The following CELSR1 variants were observed in gnomAD, a reference collection of about 807,000 sequenced individuals.
CELSR1 encodes cadherin EGF LAG seven-pass G-type receptor 1, also known as adhesion G protein-coupled receptor C1.
Under a neutral mutation model 249.1 loss-of-function variants are expected in CELSR1, and 110 were observed. The observed-to-expected ratio is 0.44, with a 90% confidence interval of 0.38 to 0.52. The LOEUF is 0.52. CELSR1 is among the 20% of genes least tolerant of loss of function. CELSR1 has a pLI of 0.00. For missense variants in CELSR1, 4,109 were observed against 4,296.4 expected (o/e 0.96, Z 1.22); for synonymous variants, 2,113 against 1,900.0 (o/e 1.11, Z -2.92).
chr22:46,431,432 C>T (rs1216297953), intron 5 of CELSR1, among the ~76,000 whole-genome samples: 1 of 152,208 alleles, frequency 6.6e-6, no homozygotes, highest in African/African-American at 2.4e-5. Context: ...CCCCTGCCTA[C>T]CCCCTCCCCA....
At position 46,389,294 on chromosome 22, in the gene CELSR1, T is replaced by G; in HGVS notation, c.6551A>C (p.His2184Pro). 1 of 1,604,924 alleles carries G rather than the reference T, an allele frequency of 6.2e-7. No individual in the cohort carries two copies. Among genetic ancestry groups the G allele is most frequent in the Non-Finnish European group, 8.5e-7 (1 of 1,179,670 alleles). ...DLAATQDADFHEDVIHSGSAL... is the reference protein window; with the variant it reads ...DLAATQDADFPEDVIHSGSAL... ...GGGTGGCGGCCACCCGCCTACCTCG[T>G]GAAAGTCGGCGTCCTGCGTGGCTGC... The change falls in exon 18 of 35, where the codon CAC becomes CCC. Residue 2184 changes from histidine to proline, a missense_variant. His to Pro is a moderately conservative substitution (Grantham distance 77). Around this residue, in one of 7 missense-constraint regions of CELSR1, gnomAD observed 1,805 missense variants for 1,831.6 expected, o/e 0.99. Transcript: ENST00000674500.
Position 46,473,130 on chromosome 22 carries a change from G to A in CELSR1, c.3545-8785C>T, listed in dbSNP as rs1036131579. Among the ~76,000 whole-genome samples the A allele has an allele frequency of 4.6e-5, 7 of 152,084 alleles. No homozygotes were observed. The highest frequency in any genetic ancestry group is 7.2e-5 in the African/African-American group (3 of 41,408). The stretch of plus-strand genomic sequence containing the variant: ...TCGTGGGCTCTCGGTGCAGGACGGC[G>A]GGGGTGGCTGAAGGAGAAATGTCCG... On this transcript the variant is annotated intron_variant, in intron 1 of 34. Coordinates refer to ENST00000674500, the MANE Select transcript of CELSR1 (RefSeq NM_001378328.1). This position sits in a 1 kb window ranked among gnomAD's most constrained non-coding sequence, Gnocchi z 6.6.
chr22:46,414,446 C>G (rs886247313), intron 5 of CELSR1, among the ~76,000 whole-genome samples: 1 of 152,266 alleles, frequency 6.6e-6, no homozygotes, highest in East Asian at 1.9e-4. Context: ...TGGCCCATCC[C>G]TCTCCTGTCA....
In CELSR1 at chr22:46,536,234, G is replaced by A; in HGVS notation, c.937C>T (p.Arg313Cys). 1 of 1,612,440 alleles carries A rather than the reference G, an allele frequency of 6.2e-7. No homozygotes were observed. Among genetic ancestry groups the A allele is most frequent in the Non-Finnish European group, 8.5e-7 (1 of 1,179,944 alleles). ...AGGACGTGCGTCTCCTTGGTCTCGC[G>A]GTCCAGTACGCTGTCCGTGCTCACG... ...GAVSTDSVLDRETKETHVLRV... is the reference protein window; with the variant it reads ...GAVSTDSVLDCETKETHVLRV... The change falls in exon 1 of 35, where the codon CGC becomes TGC. Residue 313 changes from arginine (R) to cysteine (C), a missense_variant. Arg to Cys is a radical substitution (Grantham distance 180, BLOSUM62 -3). Coordinates refer to ENST00000674500, the MANE Select transcript of CELSR1 (RefSeq NM_001378328.1).
chr22:46,431,196 C>T (rs977535048), intron 5 of CELSR1, among the ~76,000 whole-genome samples: 13 of 152,166 alleles, frequency 8.5e-5, no homozygotes, highest in East Asian at 1.9e-4. Flanking sequence ...GCGTCCTGCA[C>T]GGGGACTTTG....
intron 14 of CELSR1, 124 bp downstream of exon 14, chr22:46,394,018 G>GGT: frequency 2.4e-6 from 3 of 1,237,882 alleles, no homozygotes; most frequent in Non-Finnish European, 3.4e-6. Flanking sequence ...AGTGGGCACA[G>GGT]GTGTGTGTGC....
intron 26 of CELSR1, 92 bp from the exon 27 acceptor site, chr22:46,369,350 G>T (rs936830356): frequency 8.8e-7 from 1 of 1,131,712 alleles, no homozygotes. Flanking sequence ...CCCTGTCAGG[G>T]AGGGGTGGCT....
At chr22:46,487,881 G>A (rs1602203259) in intron 1 of CELSR1, among the ~76,000 whole-genome samples, 1 of 139,928 alleles carries the variant, frequency 7.1e-6, no homozygotes, top group African/African-American at 2.7e-5. Context: ...GGGGAGGGGT[G>A]TCCAGCTGAT....
chr22:46,385,395 G>A (rs1015983102), intron 19 of CELSR1, among the ~76,000 whole-genome samples: 2 of 152,134 alleles, frequency 1.3e-5, no homozygotes, highest in African/African-American at 4.8e-5. Context: ...ACGCCCAGCT[G>A]ACTGACCATC....
rs545762781 is a variant in CELSR1, at chr22:46,423,546, G to T, written c.4611+9847C>A. Among the ~76,000 whole-genome samples, 93 of 150,108 alleles carry T rather than the reference G, an allele frequency of 6.2e-4. No homozygotes were observed. The highest frequency in any genetic ancestry group is 1.1e-3 in the Admixed American group (16 of 15,100). ...CTTGAACCTGGGAGGCAGAGGTTGC[G>T]GTGAGCCGAGATCGCGCCTTTACAC... On this transcript the variant is annotated intron_variant, in intron 5 of 34. Coordinates refer to ENST00000674500, the MANE Select transcript of CELSR1 (RefSeq NM_001378328.1). This position sits in a 1 kb window ranked among gnomAD's most constrained non-coding sequence, Gnocchi z 5.6.
At chr22:46,415,746 T>TA (rs1421792353) in intron 5 of CELSR1, among the ~76,000 whole-genome samples, 1 of 152,104 alleles carries the variant, frequency 6.6e-6, no homozygotes, top group African/African-American at 2.4e-5. Flanking sequence ...GAAAATGCAT[T>TA]ATTTGGCCTT....
intron 1 of CELSR1, among the ~76,000 whole-genome samples, chr22:46,514,286 G>A (rs941397286): frequency 4.6e-5 from 7 of 152,268 alleles, no homozygotes; most frequent in Admixed American, 3.9e-4. Flanking sequence ...CCCAGTAAGC[G>A]AGACTACTCA....
At position 46,399,614 on chromosome 22, in the gene CELSR1, C is replaced by T. The variant is rs2079188805; in HGVS notation, c.5412+103G>A. The T allele has an allele frequency of 8.1e-7, 1 of 1,235,804 alleles. No homozygotes were observed. The highest frequency in any genetic ancestry group is 1.2e-6 in the Non-Finnish European group (1 of 864,678). 76.6% of individuals were successfully genotyped at this position (1,235,804 alleles called of 1,614,324 possible). On this transcript the variant is annotated intron_variant, in intron 10 of 34. Transcript: ENST00000674500. This position sits in a 1 kb window ranked among gnomAD's most constrained non-coding sequence, Gnocchi z 5.0. ...GGACCCAGAAAGTGCCTCCCCAAAT[C>T]CACAAGGTCTCTGGTGGGTCCTGGC... is the stretch of plus-strand genomic sequence containing the variant.
chr22:46,396,365 G>A lies in CELSR1; in HGVS notation c.5843+240C>T, dbSNP rs1056676306. Among the ~76,000 whole-genome samples the A allele has an allele frequency of 2.6e-5, 4 of 151,978 alleles. No homozygotes were observed. Among genetic ancestry groups the A allele is most frequent in the African/African-American group, 7.3e-5 (3 of 41,356 alleles). Reference sequence around the variant, plus strand: ...AGAGGTTGCAAGGAGCCAAGATCGCGCCATTGCACTCCAGCCTGGGTGACA... The same window carrying A: ...AGAGGTTGCAAGGAGCCAAGATCGCACCATTGCACTCCAGCCTGGGTGACA... On this transcript the variant is annotated intron_variant, in intron 13 of 34. Coordinates refer to ENST00000674500, the MANE Select transcript of CELSR1 (RefSeq NM_001378328.1). The surrounding 1 kb of genome is among the most constrained non-coding windows in gnomAD (Gnocchi z 6.4).
chr22:46,503,729 C>T (rs916343071), intron 1 of CELSR1, among the ~76,000 whole-genome samples: 7 of 152,150 alleles, frequency 4.6e-5, no homozygotes, highest in Non-Finnish European at 7.4e-5. Context: ...ACGGAGATCC[C>T]ACAACAAAAA....
chr22:46,536,964 G>A lies in CELSR1; in HGVS notation c.207C>T (p.Arg69=). The part of the protein sequence containing the change: ...RAPRELLDVG[R]DGRLAGRRRV... ...GCCGACGTCCTGCCAGCCGCCCATC[G>A]CGGCCCACGTCCAGCAGCTCCCGCG... Residue 69 remains arginine, a synonymous_variant, in exon 1 of 35, where the codon CGC becomes CGT. Coordinates refer to ENST00000674500, the MANE Select transcript of CELSR1 (RefSeq NM_001378328.1). 2 of 1,147,832 alleles carry A rather than the reference G, an allele frequency of 1.7e-6. No individual in the cohort carries two copies. The highest frequency in any genetic ancestry group is 2.1e-6 in the Non-Finnish European group (2 of 936,662). 71.1% of individuals were successfully genotyped at this position (1,147,832 alleles called of 1,614,324 possible).
chr22:46,482,865 A>C (rs2080279782), intron 1 of CELSR1, among the ~76,000 whole-genome samples: 1 of 152,208 alleles, frequency 6.6e-6, no homozygotes, highest in Non-Finnish European at 1.5e-5. Flanking sequence ...CAAGATTTAT[A>C]GCCTGTAGAC....
chr22:46,455,232 TTC>T (rs1201248032), intron 2 of CELSR1, among the ~76,000 whole-genome samples: 13 of 152,278 alleles, frequency 8.5e-5, no homozygotes, highest in African/African-American at 3.1e-4. Context: ...AGAGACTTTT[TTC>T]TCTTTTTCTT....
In CELSR1 at chr22:46,390,837, C is replaced by T. The variant is rs141844514; in HGVS notation, c.6250+349G>A. On this transcript the variant is annotated intron_variant, in intron 16 of 34. Coordinates refer to ENST00000674500, the MANE Select transcript of CELSR1 (RefSeq NM_001378328.1). The surrounding 1 kb of genome is among the most constrained non-coding windows in gnomAD (Gnocchi z 6.3). ...TCCTTGCCTCACTGGATTTTCCAGACGCCCCTCACAGAGTGGACACAGTCA... is the reference window on the plus strand; with the variant it reads ...TCCTTGCCTCACTGGATTTTCCAGATGCCCCTCACAGAGTGGACACAGTCA... Among the ~76,000 whole-genome samples, 20 of 152,364 alleles carry T rather than the reference C, an allele frequency of 1.3e-4. No homozygotes were observed. Among genetic ancestry groups the T allele is most frequent in the African/African-American group, 4.3e-4 (18 of 41,576 alleles).
Sources: allele counts gnomAD v4.1 joint callset (sites outside exome capture counted in the v4.1 genomes callset), GRCh38; gene constraint gnomAD v4.1.1; regional missense constraint gnomAD v4.1.1; non-coding constraint Gnocchi (gnomAD v3.1); transcripts MANE v1.5; gene names NCBI Gene and HGNC (gene_info 2026-07-23, HGNC 2026-07-21).